The following PKLR variants were observed in gnomAD, a reference collection of about 807,000 sequenced individuals.
The protein encoded by PKLR is pyruvate kinase PKLR.
In PKLR, 38 loss-of-function variants were observed where a neutral mutation model predicts 53.6. The ratio of observed to expected loss-of-function variants is 0.71; its 90% CI spans 0.55 to 0.93. The LOEUF (loss-of-function observed/expected upper bound fraction) is 0.93, where lower values mean the gene tolerates loss of function less well. Among genes scored for constraint, PKLR ranks in the 40% least tolerant of loss-of-function variants. The probability of loss-of-function intolerance (pLI) is 0.00; values close to 1 mark genes in which losing one functional copy is unlikely to be tolerated. For synonymous variants in PKLR, 328 were observed against 316.2 expected (o/e 1.04, Z -0.39); for missense variants, 702 against 787.3 (o/e 0.89, Z 1.30).
intron 1 of PKLR, chr1:155,301,005 A>G (rs772681244): frequency 1.3e-6 from 2 of 1,552,618 alleles, no homozygotes; most frequent in African/African-American, 1.4e-5. Context: ...TTAAAGTGTC[A>G]CCACTGTCTC....
chr1:155,300,796 C>G, intron 1 of PKLR: 1 of 1,500,524 alleles, frequency 6.7e-7, no homozygotes, highest in South Asian at 1.2e-5. Flanking sequence ...TGAGTCTCCC[C>G]AGGCTTCTCA....
In PKLR at chr1:155,299,633, A is replaced by C. The variant is rs995368335; in HGVS notation, c.283+465T>G. On this transcript the variant is annotated intron_variant, in intron 2 of 10. Transcript: ENST00000342741. Reference sequence around the variant, plus strand: ...GCGATTCTCCTGCCTCAGCCTCCTGAGTAGCTGGGATTGCAGGCACGCACC... The same window carrying C: ...GCGATTCTCCTGCCTCAGCCTCCTGCGTAGCTGGGATTGCAGGCACGCACC... Among the ~76,000 whole-genome samples, 4 of 148,106 alleles carry C rather than the reference A, an allele frequency of 2.7e-5. No individual in the cohort carries two copies. The Admixed American group carries it at 2.8e-4, about 10-fold the overall frequency.
chr1:155,295,002 CA>C lies in PKLR; in HGVS notation c.694+113del. 1 of 1,284,518 alleles carries C rather than the reference CA, an allele frequency of 7.8e-7. No individual in the cohort carries two copies. The highest frequency in any genetic ancestry group is 1.1e-6 in the Non-Finnish European group (1 of 903,962). The allele number at this position is 1,284,518 out of a possible 1,614,324, so 79.6% of individuals were successfully genotyped here. A position where few individuals can be genotyped will look rare whatever the true frequency, so the allele number is the denominator to read the frequency against. On this transcript the variant is annotated intron_variant, in intron 5 of 10. Transcript: ENST00000342741. This position sits in a 1 kb window ranked among gnomAD's most constrained non-coding sequence, Gnocchi z 4.3. ...GCTGGGGACTCCTGGGACGGGCTGG[CA>C]AAAACGCGTGGCCAGGGGAAGGTGT...
In PKLR at chr1:155,294,757, G is replaced by C; in HGVS notation, c.695-5C>G. 1 of 1,613,828 alleles carries C rather than the reference G, an allele frequency of 6.2e-7. No individual in the cohort carries two copies. The highest frequency in any genetic ancestry group is 8.5e-7 in the Non-Finnish European group (1 of 1,180,008). On this transcript the variant is annotated splice_polypyrimidine_tract_variant and splice_region_variant and intron_variant, in intron 5 of 10. Coordinates refer to ENST00000342741, the MANE Select transcript of PKLR (RefSeq NM_000298.6). The stretch of plus-strand genomic sequence containing the variant: ...GGGTCACCAGTCCCTCTGGGCCTGC[G>C]GACATGGAAAGAGCCAGCTGCGGTC...
At chr1:155,296,908 CTG>C (rs1647632522) in intron 2 of PKLR, among the ~76,000 whole-genome samples, 1 of 152,118 alleles carries the variant, frequency 6.6e-6, no homozygotes. Flanking sequence ...CCAAGAACCT[CTG>C]TGTTTTTGCT....
intron 1 of PKLR, chr1:155,300,991 C>T: frequency 1.3e-6 from 2 of 1,556,608 alleles, no homozygotes; most frequent in Non-Finnish European, 1.7e-6. Context: ...GTTCTGCAGA[C>T]TGGTTAAAGT....
At chr1:155,299,035 TCTTTCTTTCTTTCTTTCC>T (rs1557963520) in intron 2 of PKLR, among the ~76,000 whole-genome samples, 44 of 50,420 alleles carry the variant, frequency 8.7e-4, no homozygotes, top group South Asian at 3.7e-3. Flanking sequence ...TCTTTCTTTC[TCTTTCTTTCTTTCTTTCC>T]TTCCTTCCTT....
Position 155,295,076 on chromosome 1 carries a change from C to T in PKLR, c.694+40G>A. 1 of 1,604,634 alleles carries T rather than the reference C, an allele frequency of 6.2e-7. No homozygotes were observed. Among genetic ancestry groups the T allele is most frequent in the Non-Finnish European group, 8.5e-7 (1 of 1,173,042 alleles). On this transcript the variant is annotated intron_variant, in intron 5 of 10. Coordinates refer to ENST00000342741, the MANE Select transcript of PKLR (RefSeq NM_000298.6). The surrounding 1 kb of genome is among the most constrained non-coding windows in gnomAD (Gnocchi z 4.3). ...GGAGCCAAGGAGAAGGGAATGTGCC[C>T]AGCGCACGGATGTGGTCAGGGCGGG...
the PKLR span, among the ~76,000 whole-genome samples, chr1:155,306,453 A>G: frequency 6.6e-6 from 1 of 152,214 alleles, no homozygotes; most frequent in Non-Finnish European, 1.5e-5. The surrounding 1 kb of genome is among the most constrained non-coding windows in gnomAD (Gnocchi z 4.2). Context: ...GACAGGAGCG[A>G]GGCCAGTCAG....
chr1:155,305,996 C>T (rs1343682036), upstream of PKLR, among the ~76,000 whole-genome samples: 2 of 152,076 alleles, frequency 1.3e-5, no homozygotes, highest in Non-Finnish European at 2.9e-5. Flanking sequence ...GGATAGGAAT[C>T]CCAGATATCC....
chr1:155,299,026 CTTTCTTTCTCTTTCTTTCTTTCT>C lies in PKLR; in HGVS notation c.283+1049_283+1071del, dbSNP rs1647810452. ...TCTTTCTTTCTTTCTTTCTTTCTTTCTTTCTTTCTCTTTCTTTCTTTCTTTCCTTCCTTCCTTCCTTCCTTCTT... is the reference window on the plus strand; with the variant it reads ...TCTTTCTTTCTTTCTTTCTTTCTTTCTTCCTTCCTTCCTTCCTTCCTTCTT... On this transcript the variant is annotated intron_variant, in intron 2 of 10. Transcript: ENST00000342741. Among the ~76,000 whole-genome samples the C allele has an allele frequency of 2.3e-3, 211 of 92,414 alleles. 7 individuals carry two copies. Among genetic ancestry groups the C allele is most frequent in the African/African-American group, 8.9e-3 (172 of 19,428 alleles). The allele number at this position is 92,414 out of a possible 152,430, so 60.6% of individuals were successfully genotyped here.
upstream of PKLR, among the ~76,000 whole-genome samples, chr1:155,303,994 T>G (rs965843144): frequency 7.9e-5 from 12 of 152,142 alleles, no homozygotes; most frequent in Admixed American, 3.9e-4. Context: ...GACAAAGAGC[T>G]GCAATGAGGC....
chr1:155,291,822 G>T lies in PKLR; in HGVS notation c.1552C>A (p.Arg518Ser), dbSNP rs139002629. The T allele has an allele frequency of 6.2e-7, 1 of 1,614,130 alleles. No homozygotes were observed. Among genetic ancestry groups the T allele is most frequent in the Admixed American group, 1.7e-5 (1 of 60,024 alleles). ...LCRGVFPLLY[R>S]EPPEAIWADD... ...GCCCAGATGGCTTCTGGAGGTTCAC[G>T]GTAAAGCAAGGGGAAGACTCCTCGG... is the stretch of plus-strand genomic sequence containing the variant. Residue 518 changes from arginine (R) to serine (S), a missense_variant, in exon 10 of 11, where the codon CGT becomes AGT. Physicochemically the swap from Arg to Ser is moderately radical, Grantham distance 110. Coordinates refer to ENST00000342741, the MANE Select transcript of PKLR (RefSeq NM_000298.6).
intron 2 of PKLR, among the ~76,000 whole-genome samples, chr1:155,299,856 C>G (rs574506509): frequency 1.3e-5 from 2 of 152,196 alleles, no homozygotes; most frequent in East Asian, 3.9e-4. Flanking sequence ...ATTTATTGTG[C>G]TTACTATTTA....
upstream of PKLR, among the ~76,000 whole-genome samples, chr1:155,305,179 AC>A (rs1241310871): frequency 2.0e-5 from 3 of 152,216 alleles, no homozygotes; most frequent in Admixed American, 2.0e-4. Context: ...GTTTACCAAC[AC>A]CCTGCCCATT....
At position 155,293,221 on chromosome 1, in the gene PKLR, G is replaced by A. The variant is rs1647321409; in HGVS notation, c.1392C>T (p.Phe464=). 1 of 1,613,988 alleles carries A rather than the reference G, an allele frequency of 6.2e-7. No homozygotes were observed. The highest frequency in any genetic ancestry group is 8.5e-7 in the Non-Finnish European group (1 of 1,179,986). Residue 464 remains phenylalanine (F), a synonymous_variant, in exon 9 of 11, where the codon TTC becomes TTT. Coordinates refer to ENST00000342741, the MANE Select transcript of PKLR (RefSeq NM_000298.6). The surrounding 1 kb of genome is among the most constrained non-coding windows in gnomAD (Gnocchi z 4.2). ...CAATGATGGCAGCAGCACAGCACTT[G>A]AAGGCAGCCTCCACAGCACCAATGG... ...VTAIGAVEAA[F]KCCAAAIIVL...
At chr1:155,306,318 A>C (rs568315774), upstream of PKLR, among the ~76,000 whole-genome samples, 15 of 152,174 alleles carry the variant, frequency 9.9e-5, no homozygotes, top group South Asian at 3.1e-3. This position sits in a 1 kb window ranked among gnomAD's most constrained non-coding sequence, Gnocchi z 4.2. Context: ...GCACAGACAC[A>C]AACGCAGGTG....
At chr1:155,291,495 A>T (rs932982966) in intron 10 of PKLR, among the ~76,000 whole-genome samples, 1 of 143,874 alleles carries the variant, frequency 7.0e-6, no homozygotes, top group African/African-American at 2.5e-5. Flanking sequence ...ACTCTCTCTC[A>T]AAAAAAAAAA....
rs774652817 is a variant in PKLR at position 155,293,438 on chromosome 1, C to A, written c.1269G>T (p.Ala423=). The A allele has an allele frequency of 1.2e-6, 2 of 1,614,216 alleles. No individual in the cohort carries two copies. Among genetic ancestry groups the A allele is most frequent in the South Asian group, 2.2e-5 (2 of 91,078 alleles). ...FPVEAVKMQH[A]IAREAEAAVY... ...TTTGCTTTTCATTCTGAGCTCCTACCGCATGCTGCATCTTCACCGCTTCCA... is the reference window on the plus strand; with the variant it reads ...TTTGCTTTTCATTCTGAGCTCCTACAGCATGCTGCATCTTCACCGCTTCCA... The change falls in exon 8 of 11, where the codon GCG becomes GCT. Residue 423 remains alanine (A), a splice_region_variant and synonymous_variant. Transcript: ENST00000342741. This position sits in a 1 kb window ranked among gnomAD's most constrained non-coding sequence, Gnocchi z 4.2.
Sources: allele counts gnomAD v4.1 joint callset (sites outside exome capture counted in the v4.1 genomes callset), GRCh38; gene constraint gnomAD v4.1.1; non-coding constraint Gnocchi (gnomAD v3.1); transcripts MANE v1.5; gene names NCBI Gene and HGNC (gene_info 2026-07-23, HGNC 2026-07-21).